DOCK3: variants seen among roughly 807,000 people sequenced by gnomAD.
The protein encoded by DOCK3 is dedicator of cytokinesis protein 3.
Under a neutral mutation model 265.6 loss-of-function variants are expected in DOCK3, and 60 were observed. That is an observed-to-expected ratio of 0.23 (90% CI 0.18 to 0.28). The LOEUF (loss-of-function observed/expected upper bound fraction) is 0.28, where lower values mean the gene tolerates loss of function less well. Among genes scored for constraint, DOCK3 ranks in the 10% least tolerant of loss-of-function variants. The probability of loss-of-function intolerance (pLI) is 1.00; values close to 1 mark genes in which losing one functional copy is unlikely to be tolerated. For synonymous variants in DOCK3, 881 were observed against 938.0 expected, an observed-to-expected ratio of 0.94 and a Z score of 1.11; for missense variants, 1,981 against 2,594.3, an observed-to-expected ratio of 0.76 and a Z score of 5.14.
At chr3:50,966,346 T>G (rs2077031229) in intron 5 of DOCK3, among the ~76,000 whole-genome samples, 1 of 152,154 alleles carries the variant, frequency 6.6e-6, no homozygotes. Flanking sequence ...ATTGCTAGAT[T>G]GTATGATAGT....
intron 3 of DOCK3, among the ~76,000 whole-genome samples, chr3:50,883,454 G>T (rs1206457260): frequency 2.0e-5 from 3 of 151,960 alleles, no homozygotes; most frequent in African/African-American, 7.2e-5. Context: ...TCTTAGTGTA[G>T]TTCCATGGTT....
chr3:51,344,318 G>A (rs1180181713), intron 38 of DOCK3, among the ~76,000 whole-genome samples: 2 of 152,292 alleles, frequency 1.3e-5, no homozygotes, highest in South Asian at 2.1e-4. Flanking sequence ...GAGCAACAAG[G>A]ATATATAAAA....
At chr3:51,290,895 A>T (rs1445368746) in intron 27 of DOCK3, among the ~76,000 whole-genome samples, 1 of 152,154 alleles carries the variant, frequency 6.6e-6, no homozygotes, top group South Asian at 2.1e-4. Context: ...CCTGGTCAAG[A>T]TGTGAAACCC....
intron 5 of DOCK3, among the ~76,000 whole-genome samples, chr3:50,957,122 T>C (rs2076753068): frequency 6.6e-6 from 1 of 152,248 alleles, no homozygotes; most frequent in South Asian, 2.1e-4. Flanking sequence ...TGCTAAGTCA[T>C]GGACAAATTG....
intron 12 of DOCK3, among the ~76,000 whole-genome samples, chr3:51,172,099 G>A (rs1424980177): frequency 6.6e-6 from 1 of 151,918 alleles, no homozygotes; most frequent in African/African-American, 2.4e-5. Context: ...TCTTGTGACA[G>A]ATTTTGAATA....
At chr3:51,111,089 A>C (rs2083495747) in intron 9 of DOCK3, among the ~76,000 whole-genome samples, 1 of 152,204 alleles carries the variant, frequency 6.6e-6, no homozygotes, top group Non-Finnish European at 1.5e-5. Context: ...ATTGCCACAC[A>C]CAAAAATAAA....
In DOCK3 at chr3:50,820,783, A is replaced by C. The variant is rs2044363221; in HGVS notation, c.122-20892A>C. On this transcript the variant is annotated intron_variant, in intron 2 of 52. Transcript: ENST00000266037. ...GAACCAATTTACATTCCCATCAAAA[A>C]GTGTATAAATGTTCCCCTTTCTCCA... 2.7e-5 allele frequency among the ~76,000 whole-genome samples: 4 copies of C among 150,756 alleles called. No individual in the cohort carries two copies. The South Asian group carries it at 8.4e-4, about 32-fold the overall frequency.
chr3:50,759,112 A>G (rs1426584357), intron 1 of DOCK3, among the ~76,000 whole-genome samples: 3 of 152,220 alleles, frequency 2.0e-5, no homozygotes, highest in Non-Finnish European at 4.4e-5. Context: ...CTTTGGATAT[A>G]TACGCAGAAG....
At chr3:51,099,504 C>T (rs59652730) in intron 9 of DOCK3, among the ~76,000 whole-genome samples, 6,999 of 152,220 alleles carry the variant, frequency 0.046, 583 homozygotes, top group African/African-American at 0.16. Context: ...CCTAAAAATA[C>T]GTAGGACAAA....
intron 3 of DOCK3, among the ~76,000 whole-genome samples, chr3:50,862,729 C>G (rs1280847579): frequency 6.6e-6 from 1 of 152,190 alleles, no homozygotes; most frequent in Non-Finnish European, 1.5e-5. Flanking sequence ...AGCCTTTCCC[C>G]CTAATCCAGA....
chr3:50,895,340 A>T (rs1376575668), intron 4 of DOCK3, among the ~76,000 whole-genome samples: 1 of 151,216 alleles, frequency 6.6e-6, no homozygotes, highest in East Asian at 1.9e-4. Context: ...TGCTGCACAG[A>T]TCACCCATCA....
chr3:51,030,331 A>T (rs2079995153), intron 5 of DOCK3, among the ~76,000 whole-genome samples: 1 of 152,156 alleles, frequency 6.6e-6, no homozygotes, highest in African/African-American at 2.4e-5. Flanking sequence ...ATAATTTTTA[A>T]TTGAATCCCA....
rs2078964637 is a variant in DOCK3 at position 51,248,681 on chromosome 3, G to A, written c.2184+1874G>A. On this transcript the variant is annotated intron_variant, in intron 22 of 52. Transcript: ENST00000266037. ...CGTCTGGGATGTGAGGAGCCCCTCT[G>A]CCTGGCTGCCCAGTCTGGAAAGTGA... Among the ~76,000 whole-genome samples, 3 of 151,538 alleles carry A rather than the reference G, an allele frequency of 2.0e-5. No individual in the cohort carries two copies. In the South Asian group the frequency reaches 6.3e-4, roughly 32 times the overall value.
chr3:51,120,762 C>T (rs1043817917), intron 9 of DOCK3, among the ~76,000 whole-genome samples: 7 of 152,292 alleles, frequency 4.6e-5, no homozygotes, highest in African/African-American at 1.7e-4. Context: ...TTGGTTTACA[C>T]TGTGAGGGGA....
intron 4 of DOCK3, among the ~76,000 whole-genome samples, chr3:50,916,950 A>T (rs989926619): frequency 1.3e-5 from 2 of 151,962 alleles, no homozygotes; most frequent in Admixed American, 6.6e-5. Context: ...CTTGGTAATC[A>T]TTTCAAAATA....
chr3:51,208,989 T>G, intron 13 of DOCK3, 127 bp downstream of exon 13: 1 of 749,424 alleles, frequency 1.3e-6, no homozygotes, highest in South Asian at 2.4e-5. Flanking sequence ...TGCCGAGGCA[T>G]TTCCTACTCA....
intron 32 of DOCK3, among the ~76,000 whole-genome samples, chr3:51,319,194 T>C (rs987283037): frequency 4.6e-5 from 7 of 152,174 alleles, no homozygotes; most frequent in Admixed American, 6.5e-5. Flanking sequence ...AACAAATAAA[T>C]AAATATGATA....
intron 1 of DOCK3, among the ~76,000 whole-genome samples, chr3:50,705,920 A>G (rs919723006): frequency 6.6e-6 from 1 of 151,998 alleles, no homozygotes; most frequent in African/African-American, 2.4e-5. Flanking sequence ...AATCCGAGCT[A>G]CTCAGGAGGC....
chr3:51,168,076 T>C (rs189895649), intron 12 of DOCK3, among the ~76,000 whole-genome samples: 13 of 152,312 alleles, frequency 8.5e-5, no homozygotes, highest in Admixed American at 3.3e-4. Flanking sequence ...TGTGGGCTCA[T>C]GGTAAATGGC....
Sources: allele counts gnomAD v4.1 joint callset (sites outside exome capture counted in the v4.1 genomes callset), GRCh38; gene constraint gnomAD v4.1.1; transcripts MANE v1.5; gene names NCBI Gene and HGNC (gene_info 2026-07-23, HGNC 2026-07-21).